SPMAP2L: variants seen among roughly 807,000 people sequenced by gnomAD.
The protein encoded by SPMAP2L is sperm microtubule associated protein 2 like.
chr4:56,537,050 C>T, the SPMAP2L span, among the ~76,000 whole-genome samples: 1 of 152,144 alleles, frequency 6.6e-6, no homozygotes, highest in Non-Finnish European at 1.5e-5. Context: ...AGGCATGAGC[C>T]ACCACGCCCG....
chr4:56,595,053 C>T, the SPMAP2L span: 33 of 1,609,768 alleles, frequency 2.0e-5, no homozygotes, highest in Middle Eastern at 3.5e-4. Flanking sequence ...CTGTGGGAAC[C>T]GTCAGTGCGG....
chr4:56,579,225 C>T, the SPMAP2L span, among the ~76,000 whole-genome samples: 1 of 152,032 alleles, frequency 6.6e-6, no homozygotes, highest in Non-Finnish European at 1.5e-5. Context: ...AAACAAGTCT[C>T]AATAAATTTA....
the SPMAP2L span, among the ~76,000 whole-genome samples, chr4:56,598,446 G>A: frequency 6.6e-6 from 1 of 152,198 alleles, no homozygotes; most frequent in African/African-American, 2.4e-5. Context: ...GTGTTGACAT[G>A]TGCTATGAAG....
the SPMAP2L span, among the ~76,000 whole-genome samples, chr4:56,539,685 G>T: frequency 6.6e-6 from 1 of 152,126 alleles, no homozygotes; most frequent in Admixed American, 6.5e-5. Flanking sequence ...GCCTCCCAAA[G>T]TGCTGACGTT....
the SPMAP2L span, among the ~76,000 whole-genome samples, chr4:56,532,112 G>A: frequency 6.6e-6 from 1 of 152,102 alleles, no homozygotes; most frequent in South Asian, 2.1e-4. Flanking sequence ...TGGTCACTTG[G>A]CACTGCCTGG....
the SPMAP2L span, among the ~76,000 whole-genome samples, chr4:56,577,991 C>T: frequency 6.6e-6 from 1 of 152,198 alleles, no homozygotes; most frequent in Admixed American, 6.5e-5. Context: ...AAGGCAAAGA[C>T]ATTTGACAAT....
chr4:56,556,027 A>G, the SPMAP2L span, among the ~76,000 whole-genome samples: 1 of 152,214 alleles, frequency 6.6e-6, no homozygotes, highest in East Asian at 1.9e-4. Context: ...GAAAAATTGG[A>G]GACATTATTT....
chr4:56,592,692 T>C, the SPMAP2L span, among the ~76,000 whole-genome samples: 1 of 151,996 alleles, frequency 6.6e-6, no homozygotes, highest in East Asian at 1.9e-4. Flanking sequence ...GGGCTGCTCC[T>C]GGGCCGCGGG....
At chr4:56,593,125 A>G in the SPMAP2L span, 2,061 of 1,580,588 alleles carry the variant, frequency 1.3e-3, 25 homozygotes, top group African/African-American at 0.025. Flanking sequence ...AGAACTCAGG[A>G]TGGATCACCC....
At chr4:56,615,444 G>A in the SPMAP2L span, among the ~76,000 whole-genome samples, 1 of 152,114 alleles carries the variant, frequency 6.6e-6, no homozygotes, top group East Asian at 1.9e-4. Context: ...CAACAGAGGA[G>A]CTTTAAAAAA....
chr4:56,589,171 TCG>T, the SPMAP2L span, among the ~76,000 whole-genome samples: 53 of 151,968 alleles, frequency 3.5e-4, 2 homozygotes, highest in Middle Eastern at 3.4e-3. Context: ...GTATTTTTAG[TCG>T]AGGCAGAGTT....
the SPMAP2L span, among the ~76,000 whole-genome samples, chr4:56,625,321 T>C: frequency 6.6e-6 from 1 of 152,172 alleles, no homozygotes; most frequent in South Asian, 2.1e-4. Flanking sequence ...ATTTGCCTTG[T>C]TTCAAATGAG....
chr4:56,549,608 G>A, the SPMAP2L span, among the ~76,000 whole-genome samples: 1 of 152,236 alleles, frequency 6.6e-6, no homozygotes. Context: ...AGTTAGAAGA[G>A]GAGACAGAAT....
the SPMAP2L span, among the ~76,000 whole-genome samples, chr4:56,568,256 T>C: frequency 6.6e-6 from 1 of 152,220 alleles, no homozygotes; most frequent in Non-Finnish European, 1.5e-5. Flanking sequence ...AATTTTATAA[T>C]ATATCATTTC....
chr4:56,600,097 C>CTTTT, the SPMAP2L span, among the ~76,000 whole-genome samples: 1,302 of 87,798 alleles, frequency 0.015, 2 homozygotes, highest in Non-Finnish European at 0.02. Flanking sequence ...TCTTTGCTTT[C>CTTTT]TTTTTTTTTT....
chr4:56,621,270 G>A, the SPMAP2L span, among the ~76,000 whole-genome samples: 1 of 151,934 alleles, frequency 6.6e-6, no homozygotes, highest in Non-Finnish European at 1.5e-5. Flanking sequence ...AATAGTGATA[G>A]GTTTTTGTAC....
the SPMAP2L span, among the ~76,000 whole-genome samples, chr4:56,569,804 A>G: frequency 6.6e-6 from 1 of 152,180 alleles, no homozygotes; most frequent in Non-Finnish European, 1.5e-5. Context: ...CTCAAAAAAA[A>G]AGTTACTGGA....
the SPMAP2L span, among the ~76,000 whole-genome samples, chr4:56,563,144 G>T: frequency 6.9e-6 from 1 of 145,624 alleles, no homozygotes; most frequent in Admixed American, 7.0e-5. Flanking sequence ...CCAGGCTGGA[G>T]TGCGGTGGTG....
chr4:56,570,667 C>T, the SPMAP2L span, among the ~76,000 whole-genome samples: 227 of 151,900 alleles, frequency 1.5e-3, 3 homozygotes, highest in African/African-American at 5.2e-3. Context: ...ACATGAAGGC[C>T]CAGGACATGA....
Sources: allele counts gnomAD v4.1 joint callset (sites outside exome capture counted in the v4.1 genomes callset), GRCh38; gene constraint gnomAD v4.1.1; transcripts MANE v1.5; gene names NCBI Gene and HGNC (gene_info 2026-07-23, HGNC 2026-07-21).